ZNRF2: variants seen among roughly 807,000 people sequenced by gnomAD.
ZNRF2 encodes the protein E3 ubiquitin-protein ligase ZNRF2.
In ZNRF2, 16 loss-of-function variants were observed where a neutral mutation model predicts 20.4. The observed-to-expected ratio is 0.79, with a 90% CI of 0.53 to 1.19. The LOEUF (loss-of-function observed/expected upper bound fraction) is 1.19. Ranked by LOEUF, ZNRF2 falls within the 50% of genes most tolerant of loss-of-function variation. The probability of loss-of-function intolerance (pLI) is 0.00; values close to 1 mark genes in which losing one functional copy is unlikely to be tolerated. For synonymous variants in ZNRF2, 178 were observed against 144.9 expected (o/e 1.23, Z -1.64); for missense variants, 363 against 332.4 (o/e 1.09, Z -0.72).
intron 1 of ZNRF2, among the ~76,000 whole-genome samples, chr7:30,295,039 G>GAGAA: frequency 1.7e-5 from 2 of 115,678 alleles, no homozygotes; most frequent in African/African-American, 8.0e-5. Flanking sequence ...GAGAGAGAGA[G>GAGAA]AGAGAGAGAG....
intron 1 of ZNRF2, among the ~76,000 whole-genome samples, chr7:30,288,210 A>G (rs1416635651): frequency 3.3e-5 from 5 of 152,244 alleles, no homozygotes; most frequent in Non-Finnish European, 7.3e-5. Flanking sequence ...AGTATCTATT[A>G]TAACATTATT....
At chr7:30,352,053 T>A (rs1356681032) in intron 2 of ZNRF2, among the ~76,000 whole-genome samples, 2 of 151,870 alleles carry the variant, frequency 1.3e-5, no homozygotes, top group African/African-American at 4.8e-5. Context: ...TACTATCTGA[T>A]AATAACTAAC....
At chr7:30,333,087 T>G (rs1461708765) in intron 2 of ZNRF2, among the ~76,000 whole-genome samples, 2 of 149,886 alleles carry the variant, frequency 1.3e-5, no homozygotes, top group Admixed American at 1.3e-4. Context: ...GGAGTCTCAC[T>G]CTGTTGCCCA....
chr7:30,285,401 C>A lies in ZNRF2; in HGVS notation c.44C>A (p.Thr15Lys). 1 of 1,260,716 alleles carries A rather than the reference C, an allele frequency of 7.9e-7. No homozygotes were observed. Among genetic ancestry groups the A allele is most frequent in the Non-Finnish European group, 1.0e-6 (1 of 986,450 alleles). 78.1% of individuals were successfully genotyped at this position (1,260,716 alleles called of 1,614,324 possible). A position where few individuals can be genotyped will look rare whatever the true frequency, so the allele number is the denominator to read the frequency against. The change falls in exon 1 of 5, where the codon ACG becomes AAG. Residue 15 changes from threonine (T) to lysine (K), a missense_variant. Thr to Lys is a moderately conservative substitution (Grantham distance 78, BLOSUM62 -1). Transcript: ENST00000323037. Reference protein sequence around the residue: ...QSGPAAANGRTRAYSGSDLPS... With the variant: ...QSGPAAANGRKRAYSGSDLPS... ...GGCCCGGCCGCCGCTAACGGCCGCACGCGCGCGTACTCGGGCTCGGATCTA... is the reference window on the plus strand; with the variant it reads ...GGCCCGGCCGCCGCTAACGGCCGCAAGCGCGCGTACTCGGGCTCGGATCTA...
intron 1 of ZNRF2, among the ~76,000 whole-genome samples, chr7:30,311,234 C>G (rs1799288014): frequency 6.6e-6 from 1 of 152,148 alleles, no homozygotes; most frequent in South Asian, 2.1e-4. Context: ...AGAACCTGCA[C>G]TTTACCAACC....
chr7:30,292,206 T>C (rs73685991), intron 1 of ZNRF2, among the ~76,000 whole-genome samples: 1,752 of 152,374 alleles, frequency 0.011, 31 homozygotes, highest in African/African-American at 0.039. Context: ...CCCACTGATG[T>C]TGAAGTGTTC....
chr7:30,309,517 A>T (rs1174721306), intron 1 of ZNRF2, among the ~76,000 whole-genome samples: 1 of 152,210 alleles, frequency 6.6e-6, no homozygotes, highest in Admixed American at 6.6e-5. Flanking sequence ...CACATCTGTC[A>T]ACCTTTTGCT....
intron 2 of ZNRF2, among the ~76,000 whole-genome samples, chr7:30,328,513 T>C (rs1799586685): frequency 6.6e-6 from 1 of 152,200 alleles, no homozygotes; most frequent in Admixed American, 6.6e-5. Context: ...TTCATAGTTA[T>C]AACACAAGAA....
At chr7:30,300,231 C>T in intron 1 of ZNRF2, among the ~76,000 whole-genome samples, 1 of 150,858 alleles carries the variant, frequency 6.6e-6, no homozygotes, top group Non-Finnish European at 1.5e-5. Context: ...TCACTGCAAC[C>T]TCTGTCTCGT....
chr7:30,366,012 T>C (rs572068398), intron 4 of ZNRF2, 23 bp from the exon 5 acceptor site: 12 of 152,320 alleles, frequency 7.9e-5, no homozygotes, highest in African/African-American at 2.9e-4. Flanking sequence ...GCAATGTTCA[T>C]GGGGAAATCT....
rs1221590066 is a variant in ZNRF2 at position 30,285,882 on chromosome 7, C to G, written c.469+56C>G. On this transcript the variant is annotated intron_variant, in intron 1 of 4. Transcript: ENST00000323037. ...GGTCCTCCCGCGGCTGCACGTGGGCCGTGGCCGCCGGCTATTTTTACCCTT... is the reference window on the plus strand; with the variant it reads ...GGTCCTCCCGCGGCTGCACGTGGGCGGTGGCCGCCGGCTATTTTTACCCTT... 22 of 1,382,010 alleles carry G rather than the reference C, an allele frequency of 1.6e-5. No homozygotes were observed. In the East Asian group the frequency reaches 2.9e-4, roughly 18 times the overall value. The allele number at this position is 1,382,010 out of a possible 1,614,324, so 85.6% of individuals were successfully genotyped here.
intron 1 of ZNRF2, among the ~76,000 whole-genome samples, chr7:30,307,343 T>G (rs1340664784): frequency 1.2e-3 from 167 of 144,056 alleles, no homozygotes; most frequent in African/African-American, 3.9e-3. Flanking sequence ...TTTTTTTTTT[T>G]TTTTTTTGGC....
intron 1 of ZNRF2, among the ~76,000 whole-genome samples, chr7:30,295,301 A>G (rs1051017302): frequency 2.0e-5 from 3 of 152,152 alleles, no homozygotes; most frequent in African/African-American, 7.2e-5. Context: ...GATGGGATGC[A>G]CTTTATGTCC....
At chr7:30,312,512 A>G (rs1310253810) in intron 1 of ZNRF2, among the ~76,000 whole-genome samples, 1 of 152,154 alleles carries the variant, frequency 6.6e-6, no homozygotes, top group Non-Finnish European at 1.5e-5. Context: ...ACAGAAAAAA[A>G]CCACTTCATC....
At chr7:30,286,623 A>G (rs1229252488) in intron 1 of ZNRF2, among the ~76,000 whole-genome samples, 1 of 152,234 alleles carries the variant, frequency 6.6e-6, no homozygotes, top group Non-Finnish European at 1.5e-5. Context: ...TACTACAGAA[A>G]CAGGAGGAAG....
Position 30,313,954 on chromosome 7 carries a change from T to G in ZNRF2, c.470-9688T>G, listed in dbSNP as rs1037395476. 2.6e-5 allele frequency among the ~76,000 whole-genome samples: 4 copies of G among 152,310 alleles called. No individual in the cohort carries two copies. In the East Asian group the frequency reaches 7.7e-4, roughly 29 times the overall value. On this transcript the variant is annotated intron_variant, in intron 1 of 4. Coordinates refer to ENST00000323037, the MANE Select transcript of ZNRF2 (RefSeq NM_147128.4). The stretch of plus-strand genomic sequence containing the variant: ...GTGTTATTGGCATACTCTCTCATAT[T>G]ATAAATTAAGGATGCCTTGTTTGTA...
At chr7:30,289,498 C>T (rs1798856590) in intron 1 of ZNRF2, among the ~76,000 whole-genome samples, 1 of 152,076 alleles carries the variant, frequency 6.6e-6, no homozygotes, top group Non-Finnish European at 1.5e-5. Context: ...CCATTGAAGG[C>T]TTTTATGGGG....
At chr7:30,310,880 CTGTCT>C (rs1169010105) in intron 1 of ZNRF2, among the ~76,000 whole-genome samples, 2 of 151,946 alleles carry the variant, frequency 1.3e-5, no homozygotes, top group Admixed American at 6.6e-5. Context: ...CTGTCCTGTC[CTGTCT>C]TGTCCTGTCC....
intron 3 of ZNRF2, among the ~76,000 whole-genome samples, chr7:30,360,517 G>A (rs1469403741): frequency 6.7e-6 from 1 of 149,474 alleles, no homozygotes. Context: ...GTGAAACCTT[G>A]TCTCTACTGG....
Sources: gnomAD v4.1 joint callset for allele counts (sites outside exome capture counted in the v4.1 genomes callset) on GRCh38, gnomAD v4.1.1 for gene constraint, MANE v1.5 for transcripts, NCBI Gene and HGNC (gene_info 2026-07-23, HGNC 2026-07-21) for gene names.